DAB1: variants seen among roughly 807,000 people sequenced by gnomAD.
The protein encoded by DAB1 is DAB adaptor protein 1, also known as disabled homolog 1.
Under a neutral mutation model 64.6 loss-of-function variants are expected in DAB1, and 15 were observed. The observed-to-expected ratio is 0.23, with a 90% CI of 0.16 to 0.36. The LOEUF (loss-of-function observed/expected upper bound fraction) is 0.36, where lower values mean the gene tolerates loss of function less well. Ranked by LOEUF, DAB1 falls within the 10% of genes least tolerant of loss-of-function variation. DAB1 has a pLI of 1.00. For missense variants in DAB1, 596 were observed against 706.7 expected (o/e 0.84, Z 1.78); for synonymous variants, 235 against 251.9 (o/e 0.93, Z 0.64).
intron 6 of DAB1, among the ~76,000 whole-genome samples, chr1:57,728,619 C>A (rs866279207): frequency 1.7e-4 from 26 of 150,756 alleles, no homozygotes; most frequent in Admixed American, 6.6e-5. Flanking sequence ...CAAAAAAAAA[C>A]CACCCCCTGA....
chr1:57,569,005 T>A (rs1263140183), intron 7 of DAB1, among the ~76,000 whole-genome samples: 3 of 151,898 alleles, frequency 2.0e-5, no homozygotes, highest in Admixed American at 2.0e-4. Flanking sequence ...ACGCCTGTAA[T>A]CCCAGCACTT....
chr1:57,195,123 T>C (rs906807262), intron 2 of DAB1, among the ~76,000 whole-genome samples: 3 of 152,214 alleles, frequency 2.0e-5, no homozygotes, highest in Admixed American at 6.5e-5. Context: ...CCTATCTCTC[T>C]GAATCATGCT....
intron 5 of DAB1, among the ~76,000 whole-genome samples, chr1:57,917,755 G>A (rs1235841568): frequency 6.6e-6 from 1 of 152,120 alleles, no homozygotes. Context: ...TAACTGTAAA[G>A]AGCCCACCCT....
intron 1 of DAB1, among the ~76,000 whole-genome samples, chr1:57,390,020 C>A (rs755970598): frequency 7.2e-5 from 11 of 152,276 alleles, no homozygotes; most frequent in Admixed American, 5.2e-4. Context: ...GGCCACCTGG[C>A]CCCCAAACCA....
At chr1:58,266,045 C>CCACCACCA (rs1343291113) in intron 4 of DAB1, among the ~76,000 whole-genome samples, 1 of 150,850 alleles carries the variant, frequency 6.6e-6, no homozygotes, top group African/African-American at 2.4e-5. Context: ...CACCCCACCA[C>CCACCACCA]CACCACCACC....
intron 3 of DAB1, among the ~76,000 whole-genome samples, chr1:58,405,949 C>G (rs1644612756): frequency 6.6e-6 from 1 of 152,130 alleles, no homozygotes; most frequent in Non-Finnish European, 1.5e-5. Context: ...CAGGAGACAT[C>G]CCTGAACCAG....
intron 6 of DAB1, among the ~76,000 whole-genome samples, chr1:57,699,370 C>A (rs1344455526): frequency 6.6e-6 from 1 of 152,164 alleles, no homozygotes; most frequent in East Asian, 1.9e-4. Context: ...TAGAAACTTG[C>A]CCTAAGTCAC....
chr1:57,671,940 CA>C (rs1646515201), intron 6 of DAB1, among the ~76,000 whole-genome samples: 1 of 152,206 alleles, frequency 6.6e-6, no homozygotes, highest in East Asian at 1.9e-4. Flanking sequence ...TTTTATCCAG[CA>C]CCTTGGACAG....
chr1:57,261,650 C>T (rs1670189180), intron 2 of DAB1, among the ~76,000 whole-genome samples: 1 of 152,118 alleles, frequency 6.6e-6, no homozygotes, highest in South Asian at 2.1e-4. Flanking sequence ...CAGCTCAGTA[C>T]CTGGCACATA....
At position 57,684,375 on chromosome 1, in the gene DAB1, G is replaced by T. The variant is rs560407493; in HGVS notation, n.552-34710C>A. Among the ~76,000 whole-genome samples, 24 of 152,200 alleles carry T rather than the reference G, an allele frequency of 1.6e-4. 2 individuals are homozygous for T. Among genetic ancestry groups the T allele is most frequent in the African/African-American group, 5.8e-4 (24 of 41,528 alleles). ...AAAAAAAATCTTAAAGGCAGCTAGA[G>T]AGAAGGGTCAGGTCATATACAAAGG... On this transcript the variant is annotated intron_variant and non_coding_transcript_variant, in intron 6 of 20. Coordinates refer to the DAB1 transcript ENST00000485760.
In DAB1 at chr1:57,247,312, T is replaced by A. The variant is rs1395541622; in HGVS notation, c.67+43652A>T. 2.0e-5 allele frequency among the ~76,000 whole-genome samples: 3 copies of A among 152,270 alleles called. No individual in the cohort carries two copies. In the East Asian group the frequency reaches 5.8e-4, roughly 29 times the overall value. On this transcript the variant is annotated intron_variant, in intron 2 of 14. Transcript: ENST00000371236. Reference sequence around the variant, plus strand: ...GCGAGTTCTTCACAAGATTTGACCATTTGAAAGTGTGTGATATGTCCTCCT... The same window carrying A: ...GCGAGTTCTTCACAAGATTTGACCAATTGAAAGTGTGTGATATGTCCTCCT...
chr1:57,941,694 G>C (rs561584962), intron 5 of DAB1, among the ~76,000 whole-genome samples: 3 of 152,138 alleles, frequency 2.0e-5, no homozygotes, highest in Non-Finnish European at 4.4e-5. Flanking sequence ...AATTAGCCAG[G>C]CTTGGTGGTG....
At chr1:57,766,070 T>C (rs1057106260) in intron 6 of DAB1, among the ~76,000 whole-genome samples, 1 of 152,164 alleles carries the variant, frequency 6.6e-6, no homozygotes, top group Admixed American at 6.5e-5. Flanking sequence ...GCCACTTTTA[T>C]GGCTTAAATA....
chr1:57,064,504 T>C (rs113780422), intron 8 of DAB1, among the ~76,000 whole-genome samples: 89 of 152,294 alleles, frequency 5.8e-4, no homozygotes, highest in African/African-American at 2.0e-3. Flanking sequence ...GTTGGCCCCA[T>C]GTTGCAGAGG....
At chr1:57,422,242 T>TA (rs1684970657) in intron 1 of DAB1, among the ~76,000 whole-genome samples, 1 of 152,194 alleles carries the variant, frequency 6.6e-6, no homozygotes, top group Admixed American at 6.5e-5. Flanking sequence ...TCAACACTGT[T>TA]AAAGTGTATT....
In DAB1 at chr1:57,340,625, G is replaced by A. The variant is rs977433824; in HGVS notation, c.-136-49459C>T. Among the ~76,000 whole-genome samples, 4 of 151,670 alleles carry A rather than the reference G, an allele frequency of 2.6e-5. No individual in the cohort carries two copies. In the Admixed American group the frequency reaches 2.6e-4, roughly 10 times the overall value. ...GGATGCAGTGTGCAAGGTATATCTG[G>A]CTAGCCCAGGTCAGTGTCTAACAAT... On this transcript the variant is annotated intron_variant, in intron 1 of 14. Coordinates refer to ENST00000371236, the MANE Select transcript of DAB1 (RefSeq NM_001365792.1).
intron 2 of DAB1, among the ~76,000 whole-genome samples, chr1:57,233,881 G>A (rs1423997408): frequency 6.6e-6 from 1 of 152,154 alleles, no homozygotes; most frequent in East Asian, 1.9e-4. Context: ...GGCACTGGGA[G>A]CTGATTCATA....
Position 56,995,273 on chromosome 1 carries a change from T to C in DAB1, c.*2871A>G, listed in dbSNP as rs1645576609. The C allele has an allele frequency of 6.6e-6, 1 of 152,194 alleles. No homozygotes were observed. The highest frequency in any genetic ancestry group is 2.4e-5 in the African/African-American group (1 of 41,448). The allele number at this position is 152,194 out of a possible 1,614,324, so 9.4% of individuals were successfully genotyped here. On this transcript the variant is annotated 3_prime_UTR_variant, in exon 15 of 15. Transcript: ENST00000371236. ...ACAGTTGTACACATGGATTTTCTAT[T>C]GATCTAACCAGAACCGTGCAGACTC...
intron 7 of DAB1, among the ~76,000 whole-genome samples, chr1:57,447,772 C>T (rs887258266): frequency 9.9e-5 from 15 of 152,076 alleles, no homozygotes; most frequent in Admixed American, 4.6e-4. Flanking sequence ...TTATCAAGAT[C>T]CCCTCACCCA....
Sources: allele counts gnomAD v4.1 joint callset (sites outside exome capture counted in the v4.1 genomes callset), GRCh38; gene constraint gnomAD v4.1.1; transcripts MANE v1.5; gene names NCBI Gene and HGNC (gene_info 2026-07-23, HGNC 2026-07-21).